The following RAD54B variants were observed in gnomAD, a reference collection of about 807,000 sequenced individuals.
The protein encoded by RAD54B is DNA repair and recombination protein RAD54B.
Under a neutral mutation model 95.8 loss-of-function variants are expected in RAD54B, and 78 were observed. That is an observed-to-expected ratio of 0.81 (90% CI 0.68 to 0.98). The LOEUF is 0.98. RAD54B is among the 50% of genes least tolerant of loss of function. The pLI is 0.00. For synonymous variants in RAD54B, 328 were observed against 354.9 expected (o/e 0.92, Z 0.85); for missense variants, 957 against 1,056.6 (o/e 0.91, Z 1.31).
At chr8:94,429,928 C>T (rs2130096281) in intron 3 of RAD54B, 1 of 985,262 alleles carries the variant, frequency 1.0e-6, no homozygotes, top group South Asian at 4.7e-5. Flanking sequence ...TCCCTAAATG[C>T]CACTCCTCCT....
intron 10 of RAD54B, among the ~76,000 whole-genome samples, chr8:94,388,567 T>G (rs1239785728): frequency 1.3e-5 from 2 of 151,934 alleles, no homozygotes; most frequent in African/African-American, 2.4e-5. Context: ...ATCGAATGAC[T>G]TTTTTTTATA....
chr8:94,468,340 A>G (rs1386090597), intron 1 of RAD54B, among the ~76,000 whole-genome samples: 2 of 151,910 alleles, frequency 1.3e-5, no homozygotes, highest in South Asian at 2.1e-4. Context: ...GCAAATCCCA[A>G]TGTCTGTGGA....
chr8:94,379,998 GATGGAA>G, intron 12 of RAD54B, 141 bp downstream of exon 12: 1 of 829,718 alleles, frequency 1.2e-6, no homozygotes, highest in Admixed American at 3.0e-5. Flanking sequence ...GGATTAAACA[GATGGAA>G]AGCACTTAGG....
intron 3 of RAD54B, among the ~76,000 whole-genome samples, chr8:94,451,482 G>A (rs115536017): frequency 0.026 from 3,900 of 152,212 alleles, 181 homozygotes; most frequent in African/African-American, 0.088. Context: ...AACAATTATA[G>A]TAATAAATTT....
At chr8:94,435,585 A>G (rs1812233093) in intron 3 of RAD54B, among the ~76,000 whole-genome samples, 1 of 152,134 alleles carries the variant, frequency 6.6e-6, no homozygotes, top group African/African-American at 2.4e-5. Context: ...ATAAGAATGT[A>G]GCTGCCATTT....
At chr8:94,430,964 G>A (rs1812077192) in intron 3 of RAD54B, 5 of 985,206 alleles carry the variant, frequency 5.1e-6, no homozygotes, top group Non-Finnish European at 6.0e-6. Context: ...CCATTCTTTT[G>A]TCTTTTTTCC....
chr8:94,440,386 G>A (rs1412561499), intron 3 of RAD54B, among the ~76,000 whole-genome samples: 2 of 152,140 alleles, frequency 1.3e-5, no homozygotes, highest in African/African-American at 4.8e-5. Context: ...CTATACTACT[G>A]ATGCAGAATT....
chr8:94,445,503 T>C (rs571064713), intron 3 of RAD54B, among the ~76,000 whole-genome samples: 1 of 152,292 alleles, frequency 6.6e-6, no homozygotes, highest in East Asian at 1.9e-4. Context: ...CTTTCCCCTA[T>C]TGCCAGTGGT....
chr8:94,374,401 C>T (rs1810517638), intron 14 of RAD54B, among the ~76,000 whole-genome samples: 2 of 151,886 alleles, frequency 1.3e-5, no homozygotes, highest in Admixed American at 1.3e-4. Context: ...ATTAGGCCCT[C>T]GTTAAAAAAT....
chr8:94,472,875 ATCC>A (rs567887277), intron 1 of RAD54B, among the ~76,000 whole-genome samples: 37 of 152,278 alleles, frequency 2.4e-4, no homozygotes, highest in African/African-American at 8.7e-4. Context: ...TGATTTTTCA[ATCC>A]TCCTATTTTG....
chr8:94,379,534 C>T (rs550103535), intron 12 of RAD54B, among the ~76,000 whole-genome samples: 149 of 152,246 alleles, frequency 9.8e-4, no homozygotes, highest in Admixed American at 2.0e-3. Context: ...TTTGAGTATT[C>T]TTTACTATAA....
At chr8:94,424,671 G>A (rs1811900458) in intron 3 of RAD54B, among the ~76,000 whole-genome samples, 1 of 152,034 alleles carries the variant, frequency 6.6e-6, no homozygotes, top group Admixed American at 6.6e-5. Context: ...CTGTAAACTG[G>A]GTTCTGATCT....
In RAD54B at chr8:94,391,911, T is replaced by C. The variant is rs756077185; in HGVS notation, c.1519-12A>G. 6.3e-7 allele frequency: 1 copy of C among 1,585,842 alleles called. No homozygotes were observed. The highest frequency in any genetic ancestry group is 8.5e-7 in the Non-Finnish European group (1 of 1,169,940). On this transcript the variant is annotated splice_polypyrimidine_tract_variant and intron_variant, in intron 9 of 14. Transcript: ENST00000336148. ...AACTCCTTTTCTTCCTATGGAAAAA[T>C]AGCAGACTTAAATGAAAGTGTTATA... is the stretch of plus-strand genomic sequence containing the variant.
intron 3 of RAD54B, among the ~76,000 whole-genome samples, chr8:94,441,909 A>G (rs1347128596): frequency 6.6e-6 from 1 of 152,254 alleles, no homozygotes; most frequent in Non-Finnish European, 1.5e-5. Context: ...ATTCCACAAT[A>G]TCACCTATTA....
At chr8:94,440,574 TAG>T (rs1812375482) in intron 3 of RAD54B, among the ~76,000 whole-genome samples, 1 of 152,206 alleles carries the variant, frequency 6.6e-6, no homozygotes, top group African/African-American at 2.4e-5. Context: ...GGTGTAGTCA[TAG>T]AGTTTTATGA....
chr8:94,411,271 C>G lies in RAD54B; in HGVS notation c.349G>C (p.Glu117Gln). 1.2e-6 allele frequency: 2 copies of G among 1,605,420 alleles called. No homozygotes were observed. The highest frequency in any genetic ancestry group is 1.7e-6 in the Non-Finnish European group (2 of 1,177,828). The change falls in exon 4 of 15, where the codon GAG (glutamate) becomes CAG (glutamine). Residue 117 changes from glutamate (E) to glutamine (Q), a missense_variant. Physicochemically the swap from Glu to Gln is conservative, Grantham distance 29. Transcript: ENST00000336148. ...KEVAVSKEQE[E>Q]KSDSLVKYFS... ...TATTTAACTAGGCTATCAGATTTCT[C>G]TTCTTGTTCCTTGGACACTGCTACT...
At chr8:94,410,272 C>G (rs184420925) in intron 4 of RAD54B, among the ~76,000 whole-genome samples, 3 of 152,134 alleles carry the variant, frequency 2.0e-5, no homozygotes, top group Non-Finnish European at 4.4e-5. Context: ...CTTTTATGCT[C>G]CCACTGCTTC....
Position 94,419,401 on chromosome 8 carries a change from G to A in RAD54B, c.305-8086C>T, listed in dbSNP as rs1000706243. On this transcript the variant is annotated intron_variant, in intron 3 of 14. Coordinates refer to ENST00000336148, the MANE Select transcript of RAD54B (RefSeq NM_012415.3). ...CAGGCACCTGCAATCCCAGCTACTC[G>A]GGAGGTTGAGGCAGGAGAATTGCTT... Among the ~76,000 whole-genome samples, 10 of 152,168 alleles carry A rather than the reference G, an allele frequency of 6.6e-5. No individual in the cohort carries two copies. In the South Asian group the frequency reaches 1.2e-3, roughly 19 times the overall value.
intron 2 of RAD54B, among the ~76,000 whole-genome samples, chr8:94,467,051 C>T (rs375620431): frequency 2.6e-5 from 4 of 152,148 alleles, no homozygotes; most frequent in Admixed American, 1.3e-4. Flanking sequence ...ACCTCAGCCT[C>T]CCGAGTAGCT....
Sources: gnomAD v4.1 joint callset for allele counts (sites outside exome capture counted in the v4.1 genomes callset) on GRCh38, gnomAD v4.1.1 for gene constraint, MANE v1.5 for transcripts, NCBI Gene and HGNC (gene_info 2026-07-23, HGNC 2026-07-21) for gene names.